Variants in PRKG1 observed in about 807,000 individuals in gnomAD.
The protein encoded by PRKG1 is cGMP-dependent protein kinase 1.
A neutral mutation model predicts 88.1 loss-of-function variants in PRKG1; 35 were observed. That is an observed-to-expected ratio of 0.40 (90% CI 0.30 to 0.53). PRKG1 has a LOEUF of 0.53. PRKG1 is among the 20% of genes least tolerant of loss of function. PRKG1 has a pLI of 0.59. For synonymous variants in PRKG1, 303 were observed against 292.5 expected (o/e 1.04, Z -0.37); for missense variants, 540 against 839.8 (o/e 0.64, Z 4.41).
At position 52,159,014 on chromosome 10, in the gene PRKG1, C is replaced by T. The variant is rs936225887; in HGVS notation, c.1002-2875C>T. Among the ~76,000 whole-genome samples, 8 of 150,786 alleles carry T rather than the reference C, an allele frequency of 5.3e-5. No homozygotes were observed. In the East Asian group the frequency reaches 7.7e-4, roughly 15 times the overall value. On this transcript the variant is annotated intron_variant, in intron 8 of 17. Transcript: ENST00000373980. ...TATAATATTAAGTTAAAAATCATAG[C>T]GATGAAGATTACAAGTATGAACAAC... is the stretch of plus-strand genomic sequence containing the variant.
At chr10:52,207,516 C>A (rs945047903) in intron 9 of PRKG1, among the ~76,000 whole-genome samples, 1 of 152,190 alleles carries the variant, frequency 6.6e-6, no homozygotes, top group African/African-American at 2.4e-5. Flanking sequence ...CTAATGCCAC[C>A]TAGAAGTACA....
chr10:52,108,743 CTCT>C (rs1847483484), intron 7 of PRKG1, among the ~76,000 whole-genome samples: 1 of 151,834 alleles, frequency 6.6e-6, no homozygotes, highest in African/African-American at 2.4e-5. Flanking sequence ...CAAAATTTTC[CTCT>C]TCTTTGTTAG....
intron 7 of PRKG1, among the ~76,000 whole-genome samples, chr10:52,084,237 T>C (rs1010298056): frequency 2.6e-5 from 4 of 152,008 alleles, no homozygotes; most frequent in African/African-American, 9.7e-5. Flanking sequence ...CTTAATAAAA[T>C]GCATTTCATT....
chr10:51,902,244 A>T (rs1424751202), intron 4 of PRKG1, among the ~76,000 whole-genome samples: 1 of 151,872 alleles, frequency 6.6e-6, no homozygotes, highest in Admixed American at 6.6e-5. Flanking sequence ...AGCTTCCCAA[A>T]CACCTGGGAT....
chr10:51,799,008 C>T (rs1467868857), intron 3 of PRKG1, among the ~76,000 whole-genome samples: 5 of 152,016 alleles, frequency 3.3e-5, no homozygotes, highest in African/African-American at 1.2e-4. Context: ...TAATATCTTT[C>T]AAATTCATCT....
chr10:51,159,641 T>C (rs1159992323), intron 2 of PRKG1, among the ~76,000 whole-genome samples: 1 of 152,146 alleles, frequency 6.6e-6, no homozygotes, highest in Admixed American at 6.6e-5. Flanking sequence ...ATGTGAAATA[T>C]TTAGATGCCA....
chr10:51,956,974 TTC>T (rs577593385), intron 5 of PRKG1, among the ~76,000 whole-genome samples: 1 of 151,168 alleles, frequency 6.6e-6, no homozygotes, highest in Admixed American at 6.6e-5. Context: ...TCCTTCCTCT[TTC>T]TCTCTCTCTT....
At chr10:52,267,691 A>G (rs1841612238) in intron 10 of PRKG1, among the ~76,000 whole-genome samples, 1 of 152,010 alleles carries the variant, frequency 6.6e-6, no homozygotes, top group Non-Finnish European at 1.5e-5. Context: ...ATACGAACAC[A>G]CTGTGAGATC....
intron 3 of PRKG1, among the ~76,000 whole-genome samples, chr10:51,803,642 G>T (rs1313124905): frequency 6.6e-6 from 1 of 151,980 alleles, no homozygotes; most frequent in Non-Finnish European, 1.5e-5. Context: ...TCTATGTTTG[G>T]CTCAATTAAC....
chr10:52,155,811 G>A (rs1838079267), intron 8 of PRKG1, among the ~76,000 whole-genome samples: 1 of 150,838 alleles, frequency 6.6e-6, no homozygotes, highest in Non-Finnish European at 1.5e-5. Context: ...AATAAGCCTA[G>A]TCAACTTAAC....
At chr10:51,985,113 T>TA (rs1844120139) in intron 5 of PRKG1, among the ~76,000 whole-genome samples, 1 of 152,226 alleles carries the variant, frequency 6.6e-6, no homozygotes, top group Admixed American at 6.5e-5. Flanking sequence ...TTTTCCTTCA[T>TA]AGAGCATGGA....
intron 1 of PRKG1, among the ~76,000 whole-genome samples, chr10:51,067,559 T>C (rs1589130829): frequency 6.6e-6 from 1 of 152,164 alleles, no homozygotes; most frequent in Non-Finnish European, 1.5e-5. Flanking sequence ...TTTTTCCACT[T>C]AAAAGTTGTA....
chr10:51,646,522 A>G (rs1839918514), intron 3 of PRKG1, among the ~76,000 whole-genome samples: 1 of 152,116 alleles, frequency 6.6e-6, no homozygotes, highest in African/African-American at 2.4e-5. Flanking sequence ...TGTTAATCAA[A>G]GCATGTTGAT....
intron 3 of PRKG1, among the ~76,000 whole-genome samples, chr10:51,531,072 A>G (rs951970256): frequency 1.1e-4 from 16 of 152,224 alleles, no homozygotes; most frequent in African/African-American, 3.6e-4. Flanking sequence ...ATAGGTTAAT[A>G]GCACAAAATT....
intron 4 of PRKG1, among the ~76,000 whole-genome samples, chr10:51,901,086 A>G (rs540851284): frequency 6.6e-6 from 1 of 152,256 alleles, no homozygotes; most frequent in Non-Finnish European, 1.5e-5. Context: ...TACTGCTTTG[A>G]TTTGTACTGA....
chr10:51,184,898 T>C (rs1837446184), intron 2 of PRKG1, among the ~76,000 whole-genome samples: 1 of 152,128 alleles, frequency 6.6e-6, no homozygotes, highest in African/African-American at 2.4e-5. Context: ...GGCACTTATA[T>C]CCCTTGGGAG....
intron 10 of PRKG1, among the ~76,000 whole-genome samples, chr10:52,255,921 A>G (rs913217132): frequency 1.3e-5 from 2 of 151,782 alleles, no homozygotes; most frequent in East Asian, 1.9e-4. Flanking sequence ...AATTACTTTC[A>G]TGTTCATTGT....
intron 5 of PRKG1, among the ~76,000 whole-genome samples, chr10:51,971,159 T>C (rs1843705946): frequency 6.6e-6 from 1 of 151,948 alleles, no homozygotes. Flanking sequence ...GTTTTTACTT[T>C]TGGAGGGGGT....
intron 2 of PRKG1, among the ~76,000 whole-genome samples, chr10:51,404,771 T>C (rs1361103239): frequency 1.3e-5 from 2 of 152,194 alleles, no homozygotes; most frequent in Non-Finnish European, 2.9e-5. Flanking sequence ...GACTTATTAA[T>C]GTCAAATGCA....
Sources: allele counts gnomAD v4.1 joint callset (sites outside exome capture counted in the v4.1 genomes callset), GRCh38; gene constraint gnomAD v4.1.1; transcripts MANE v1.5; gene names NCBI Gene and HGNC (gene_info 2026-07-23, HGNC 2026-07-21).